MFNG: variants seen among roughly 807,000 people sequenced by gnomAD.
MFNG encodes beta-1,3-N-acetylglucosaminyltransferase manic fringe.
Under a neutral mutation model 34.2 loss-of-function variants are expected in MFNG, and 24 were observed. The ratio of observed to expected loss-of-function variants is 0.70; its 90% CI spans 0.51 to 0.99. The LOEUF is 0.99. Among genes scored for constraint, MFNG ranks in the 50% least tolerant of loss-of-function variants. The probability of loss-of-function intolerance (pLI) is 0.00; values close to 1 mark genes in which losing one functional copy is unlikely to be tolerated. For synonymous variants in MFNG, 158 were observed against 179.2 expected (o/e 0.88, Z 0.94); for missense variants, 383 against 424.0 (o/e 0.90, Z 0.85).
intron 1 of MFNG, chr22:37,481,106 A>C: frequency 9.5e-6 from 3 of 317,428 alleles, no homozygotes; most frequent in East Asian, 6.5e-5. Flanking sequence ...CACACACACA[A>C]TCACAGCTGC....
At chr22:37,475,124 T>G (rs1601795225) in intron 5 of MFNG, among the ~76,000 whole-genome samples, 1 of 152,138 alleles carries the variant, frequency 6.6e-6, no homozygotes, top group South Asian at 2.1e-4. Context: ...CAAAGAGTGG[T>G]GCTAAGTCAG....
At position 37,474,679 on chromosome 22, in the gene MFNG, T is replaced by A. The variant is rs1471583401; in HGVS notation, c.648-2A>T. 2 of 1,595,404 alleles carry A rather than the reference T, an allele frequency of 1.3e-6. No homozygotes were observed. Among genetic ancestry groups the A allele is most frequent in the Non-Finnish European group, 1.7e-6 (2 of 1,169,040 alleles). On this transcript the variant is annotated splice_acceptor_variant, in intron 5 of 7. Coordinates refer to ENST00000356998, the MANE Select transcript of MFNG (RefSeq NM_002405.4). LOFTEE classifies it high-confidence loss of function. ...GATGTGTCCATGAAACGGGAGCCAC[T>A]GAGGGACAGAGCCAGACTGCAGACG...
intron 4 of MFNG, among the ~76,000 whole-genome samples, chr22:37,478,224 T>C (rs1922127210): frequency 1.3e-5 from 2 of 151,946 alleles, no homozygotes; most frequent in South Asian, 4.2e-4. Flanking sequence ...GGAAGGGAGG[T>C]TGAGCCCCGC....
rs1215709878 is a variant in MFNG, at chr22:37,485,128, G to T, written c.255+795C>A. Among the ~76,000 whole-genome samples, 1 of 152,094 alleles carries T rather than the reference G, an allele frequency of 6.6e-6. No individual in the cohort carries two copies. The highest frequency in any genetic ancestry group is 1.5e-5 in the Non-Finnish European group (1 of 68,012). On this transcript the variant is annotated intron_variant, in intron 1 of 7. Coordinates refer to ENST00000356998, the MANE Select transcript of MFNG (RefSeq NM_002405.4). This position sits in a 1 kb window ranked among gnomAD's most constrained non-coding sequence, Gnocchi z 5.3. ...GCTCGCCGGAGCCGCACAGCCATGT[G>T]ACAGACATGCCTCTTGTCACACACA...
Position 37,469,614 on chromosome 22 carries a change from C to A in MFNG, c.*349G>T. 1 of 389,634 alleles carries A rather than the reference C, an allele frequency of 2.6e-6. No homozygotes were observed. Among genetic ancestry groups the A allele is most frequent in the Non-Finnish European group, 4.9e-6 (1 of 202,240 alleles). 24.1% of individuals were successfully genotyped at this position (389,634 alleles called of 1,614,324 possible). ...ACATTAGCCAGGGCCAACGGCCAGA[C>A]CCCACCCAGAGGCCATGTCACTGCC... is the stretch of plus-strand genomic sequence containing the variant. On this transcript the variant is annotated 3_prime_UTR_variant, in exon 8 of 8. Transcript: ENST00000356998.
chr22:37,476,857 C>A (rs765977846), intron 5 of MFNG, 39 bp downstream of exon 5: 5 of 1,536,294 alleles, frequency 3.3e-6, no homozygotes, highest in Admixed American at 1.7e-5. Context: ...GCTGCCACCC[C>A]CTCCCCGCCT....
intron 6 of MFNG, among the ~76,000 whole-genome samples, chr22:37,473,685 G>T (rs2145727602): frequency 6.6e-6 from 1 of 152,314 alleles, no homozygotes; most frequent in East Asian, 1.9e-4. Context: ...GCCAGCCCGG[G>T]GATCTGAAGG....
chr22:37,471,280 A>G (rs186743664), intron 7 of MFNG, among the ~76,000 whole-genome samples: 258 of 152,296 alleles, frequency 1.7e-3, no homozygotes, highest in African/African-American at 5.7e-3. Flanking sequence ...GACCCATTGC[A>G]TGTCACTACA....
chr22:37,470,589 A>G (rs1375675473), intron 7 of MFNG, among the ~76,000 whole-genome samples: 1 of 152,186 alleles, frequency 6.6e-6, no homozygotes, highest in African/African-American at 2.4e-5. Context: ...TGGAATTTTG[A>G]ATTTTTGTTC....
At chr22:37,474,882 G>A (rs867671237) in intron 5 of MFNG, among the ~76,000 whole-genome samples, 19 of 152,252 alleles carry the variant, frequency 1.2e-4, no homozygotes, top group East Asian at 1.9e-4. Flanking sequence ...GCTAATGGCC[G>A]TGTCTTCGTG....
intron 5 of MFNG, 38 bp downstream of exon 5, chr22:37,476,858 C>CA: frequency 6.5e-7 from 1 of 1,545,102 alleles, no homozygotes; most frequent in Non-Finnish European, 8.9e-7. Flanking sequence ...CTGCCACCCC[C>CA]TCCCCGCCTT....
In MFNG at chr22:37,483,521, C is replaced by T. The variant is rs1413754024; in HGVS notation, c.255+2402G>A. ...GAAGATCTAGTAAGCCTGAATAAAG[C>T]AGGAGAATAGGCACTTTGGGAGGCC... On this transcript the variant is annotated intron_variant, in intron 1 of 7. Coordinates refer to ENST00000356998, the MANE Select transcript of MFNG (RefSeq NM_002405.4). The surrounding 1 kb of genome is among the most constrained non-coding windows in gnomAD (Gnocchi z 4.5). Among the ~76,000 whole-genome samples the T allele has an allele frequency of 1.3e-5, 2 of 151,264 alleles. No homozygotes were observed. Among genetic ancestry groups the T allele is most frequent in the Admixed American group, 6.6e-5 (1 of 15,078 alleles).
chr22:37,477,328 G>A (rs1210269857), intron 4 of MFNG, among the ~76,000 whole-genome samples: 2 of 152,158 alleles, frequency 1.3e-5, no homozygotes, highest in African/African-American at 2.4e-5. Flanking sequence ...AGGGGCTGCC[G>A]AACATGGCAC....
rs928663219 is a variant in MFNG at position 37,478,036 on chromosome 22, G to A, written c.562-1055C>T. On this transcript the variant is annotated intron_variant, in intron 4 of 7. Transcript: ENST00000356998. ...CAAACTGCTTAGGCAGAGGTGAGTC[G>A]CCAGCAGTGAAGTGGTGTGAGAGCC... Among the ~76,000 whole-genome samples, 6 of 152,302 alleles carry A rather than the reference G, an allele frequency of 3.9e-5. No individual in the cohort carries two copies. The East Asian group carries it at 7.7e-4, about 20-fold the overall frequency.
rs1410068587 is a variant in MFNG, at chr22:37,485,181, G to A, written c.255+742C>T. Among the ~76,000 whole-genome samples the A allele has an allele frequency of 6.8e-6, 1 of 148,070 alleles. No individual in the cohort carries two copies. Among genetic ancestry groups the A allele is most frequent in the Non-Finnish European group, 1.5e-5 (1 of 67,084 alleles). On this transcript the variant is annotated intron_variant, in intron 1 of 7. Coordinates refer to ENST00000356998, the MANE Select transcript of MFNG (RefSeq NM_002405.4). This position sits in a 1 kb window ranked among gnomAD's most constrained non-coding sequence, Gnocchi z 5.3. Reference sequence around the variant, plus strand: ...TAGCACACTCCAGCTCCGTGCGTGTGAGCACACACACACACACACACACAA... The same window carrying A: ...TAGCACACTCCAGCTCCGTGCGTGTAAGCACACACACACACACACACACAA...
intron 6 of MFNG, among the ~76,000 whole-genome samples, chr22:37,474,117 G>A (rs1012567757): frequency 1.3e-5 from 2 of 152,184 alleles, no homozygotes; most frequent in Non-Finnish European, 2.9e-5. Flanking sequence ...GCTCCTAACA[G>A]GTAAAATTAG....
In MFNG at chr22:37,483,484, C is replaced by G. The variant is rs1319734719; in HGVS notation, c.255+2439G>C. Among the ~76,000 whole-genome samples, 1 of 151,010 alleles carries G rather than the reference C, an allele frequency of 6.6e-6. No homozygotes were observed. Among genetic ancestry groups the G allele is most frequent in the Non-Finnish European group, 1.5e-5 (1 of 67,866 alleles). Reference sequence around the variant, plus strand: ...GAGCATGGGCCAAATGGGCTGAGGACTGTTTCCCGGTGAAGATCTAGTAAG... The same window carrying G: ...GAGCATGGGCCAAATGGGCTGAGGAGTGTTTCCCGGTGAAGATCTAGTAAG... On this transcript the variant is annotated intron_variant, in intron 1 of 7. Transcript: ENST00000356998. The surrounding 1 kb of genome is among the most constrained non-coding windows in gnomAD (Gnocchi z 4.5).
rs1037812825 is a variant in MFNG at position 37,485,508 on chromosome 22, G to A, written c.255+415C>T. Reference sequence around the variant, plus strand: ...GTGGGACAGCCTGGCCTGGGCACGGGTCTGGGTCAGGACCTCTTGGAGGCC... The same window carrying A: ...GTGGGACAGCCTGGCCTGGGCACGGATCTGGGTCAGGACCTCTTGGAGGCC... On this transcript the variant is annotated intron_variant, in intron 1 of 7. Coordinates refer to ENST00000356998, the MANE Select transcript of MFNG (RefSeq NM_002405.4). This position sits in a 1 kb window ranked among gnomAD's most constrained non-coding sequence, Gnocchi z 5.3. 6.6e-6 allele frequency among the ~76,000 whole-genome samples: 1 copy of A among 152,218 alleles called. No homozygotes were observed. The highest frequency in any genetic ancestry group is 1.5e-5 in the Non-Finnish European group (1 of 68,028).
chr22:37,482,502 C>T lies in MFNG; in HGVS notation c.256-1733G>A, dbSNP rs763468098. Among the ~76,000 whole-genome samples, 18 of 152,062 alleles carry T rather than the reference C, an allele frequency of 1.2e-4. No individual in the cohort carries two copies. Among genetic ancestry groups the T allele is most frequent in the Non-Finnish European group, 2.1e-4 (14 of 67,994 alleles). On this transcript the variant is annotated intron_variant, in intron 1 of 7. Coordinates refer to ENST00000356998, the MANE Select transcript of MFNG (RefSeq NM_002405.4). The surrounding 1 kb of genome is among the most constrained non-coding windows in gnomAD (Gnocchi z 4.1). Reference sequence around the variant, plus strand: ...ACACGCACGTGCGCACGCCTCTGAGCCTCTGCGCATGCTATGCCCTCTTTC... The same window carrying T: ...ACACGCACGTGCGCACGCCTCTGAGTCTCTGCGCATGCTATGCCCTCTTTC...
Sources: gnomAD v4.1 joint callset for allele counts (sites outside exome capture counted in the v4.1 genomes callset) on GRCh38, gnomAD v4.1.1 for gene constraint, Gnocchi (gnomAD v3.1) non-coding constraint, MANE v1.5 for transcripts, NCBI Gene and HGNC (gene_info 2026-07-23, HGNC 2026-07-21) for gene names.